The following ATXN1 variants were observed in gnomAD, a reference collection of about 807,000 sequenced individuals.
ATXN1 encodes ataxin 1.
ATXN1 carries 8 observed loss-of-function variants against 56.4 expected under a neutral mutation model. The observed-to-expected ratio is 0.14, with a 90% CI of 0.08 to 0.26. The LOEUF is 0.26. Among genes scored for constraint, ATXN1 ranks in the 10% least tolerant of loss-of-function variants. The probability of loss-of-function intolerance (pLI) is 1.00; values close to 1 mark genes in which losing one functional copy is unlikely to be tolerated. For synonymous variants in ATXN1, 514 were observed against 494.6 expected (o/e 1.04, Z -0.52); for missense variants, 987 against 1,106.5 (o/e 0.89, Z 1.53).
intron 2 of ATXN1, among the ~76,000 whole-genome samples, chr6:16,673,383 G>A (rs1019622684): frequency 3.9e-5 from 6 of 152,178 alleles, no homozygotes; most frequent in African/African-American, 1.4e-4. Context: ...GGCCCGGGTA[G>A]TTTATTTTCA....
chr6:16,758,221 C>T (rs1355017828), intron 1 of ATXN1, among the ~76,000 whole-genome samples: 1 of 152,208 alleles, frequency 6.6e-6, no homozygotes, highest in East Asian at 1.9e-4. Flanking sequence ...TGAGTAAACC[C>T]TTTAGAAATC....
At chr6:16,575,944 A>C (rs1762412765) in intron 4 of ATXN1, among the ~76,000 whole-genome samples, 1 of 152,172 alleles carries the variant, frequency 6.6e-6, no homozygotes, top group South Asian at 2.1e-4. Context: ...ACGCCATCAC[A>C]CAGTTAGCAG....
intron 4 of ATXN1, among the ~76,000 whole-genome samples, chr6:16,528,901 G>A (rs896140754): frequency 5.3e-5 from 8 of 152,078 alleles, no homozygotes; most frequent in African/African-American, 1.4e-4. Context: ...ACTTGCAGCC[G>A]GGCACAGTGG....
intron 2 of ATXN1, among the ~76,000 whole-genome samples, chr6:16,727,294 C>T (rs1406843549): frequency 6.6e-6 from 1 of 151,948 alleles, no homozygotes; most frequent in African/African-American, 2.4e-5. Flanking sequence ...ATTTTGGATC[C>T]ATATATACTA....
intron 5 of ATXN1, among the ~76,000 whole-genome samples, chr6:16,507,597 C>T (rs188210160): frequency 1.8e-3 from 281 of 152,174 alleles, no homozygotes; most frequent in Non-Finnish European, 3.2e-3. Flanking sequence ...AATTTTTCTC[C>T]AAAGAAAGCC....
At chr6:16,655,486 A>T (rs1758179285) in intron 3 of ATXN1, among the ~76,000 whole-genome samples, 1 of 147,674 alleles carries the variant, frequency 6.8e-6, no homozygotes, top group African/African-American at 2.5e-5. Flanking sequence ...CTAACAGAAC[A>T]ACACATAGCA....
chr6:16,653,746 T>A (rs1251424257), intron 3 of ATXN1, among the ~76,000 whole-genome samples: 1 of 152,168 alleles, frequency 6.6e-6, no homozygotes, highest in Non-Finnish European at 1.5e-5. Flanking sequence ...GAAAGTGGGT[T>A]TCTAAAGGTT....
chr6:16,466,170 C>T (rs1303135268), intron 6 of ATXN1, among the ~76,000 whole-genome samples: 2 of 151,904 alleles, frequency 1.3e-5, no homozygotes, highest in Non-Finnish European at 2.9e-5. Context: ...CAAAAATTAG[C>T]TGGGCGCAGT....
At chr6:16,727,232 C>A (rs1759870175) in intron 2 of ATXN1, among the ~76,000 whole-genome samples, 1 of 152,156 alleles carries the variant, frequency 6.6e-6, no homozygotes, top group East Asian at 1.9e-4. Context: ...TTTCAAGTAT[C>A]AGTAAAACCA....
intron 6 of ATXN1, among the ~76,000 whole-genome samples, chr6:16,484,045 A>G (rs1364588207): frequency 1.3e-5 from 2 of 152,196 alleles, no homozygotes; most frequent in South Asian, 2.1e-4. Flanking sequence ...AACTTTTACA[A>G]TAAGGTTTTT....
At chr6:16,453,478 AAG>A (rs780552428) in intron 6 of ATXN1, among the ~76,000 whole-genome samples, 42 of 152,152 alleles carry the variant, frequency 2.8e-4, no homozygotes, top group Non-Finnish European at 4.6e-4. Context: ...AAATAAAATA[AAG>A]AGGGGGTAAA....
At chr6:16,627,549 A>G (rs1763428265) in intron 3 of ATXN1, among the ~76,000 whole-genome samples, 1 of 152,134 alleles carries the variant, frequency 6.6e-6, no homozygotes, top group African/African-American at 2.4e-5. Context: ...CAACATGGTG[A>G]AATCCCATCT....
At chr6:16,457,171 A>G (rs1482531494) in intron 6 of ATXN1, among the ~76,000 whole-genome samples, 2 of 152,156 alleles carry the variant, frequency 1.3e-5, no homozygotes, top group Non-Finnish European at 2.9e-5. Flanking sequence ...GGGCCACTAA[A>G]TCTGACTTTT....
At chr6:16,488,712 T>C (rs1253583443) in intron 5 of ATXN1, among the ~76,000 whole-genome samples, 1 of 152,184 alleles carries the variant, frequency 6.6e-6, no homozygotes, top group Non-Finnish European at 1.5e-5. Flanking sequence ...AAAGCCTGTC[T>C]GAAACAAATA....
At chr6:16,681,120 A>G (rs1758804454) in intron 2 of ATXN1, among the ~76,000 whole-genome samples, 1 of 152,222 alleles carries the variant, frequency 6.6e-6, no homozygotes, top group African/African-American at 2.4e-5. Flanking sequence ...CTCCCCACCA[A>G]TGGGACAGTG....
intron 2 of ATXN1, among the ~76,000 whole-genome samples, chr6:16,748,539 TG>T (rs1307899081): frequency 2.0e-5 from 3 of 152,174 alleles, no homozygotes; most frequent in African/African-American, 7.2e-5. Context: ...GCCTGTGCAA[TG>T]GAGAAAATAA....
chr6:16,562,348 G>A (rs1037251960), intron 4 of ATXN1, among the ~76,000 whole-genome samples: 5 of 147,722 alleles, frequency 3.4e-5, no homozygotes, highest in African/African-American at 1.3e-4. Context: ...ACTCCAGCCT[G>A]GGCAACAGAG....
intron 5 of ATXN1, among the ~76,000 whole-genome samples, chr6:16,521,050 G>C (rs762794462): frequency 4.7e-4 from 72 of 152,160 alleles, no homozygotes; most frequent in Non-Finnish European, 8.4e-4. Context: ...GAGATGAAAT[G>C]TTTTGGAAAT....
intron 6 of ATXN1, among the ~76,000 whole-genome samples, chr6:16,339,249 T>C (rs888502490): frequency 2.6e-5 from 4 of 152,092 alleles, no homozygotes; most frequent in African/African-American, 9.7e-5. Context: ...TCCAGGACAT[T>C]AGACAGCCCC....
Sources: gnomAD v4.1 joint callset for allele counts (sites outside exome capture counted in the v4.1 genomes callset) on GRCh38, gnomAD v4.1.1 for gene constraint, MANE v1.5 for transcripts, NCBI Gene and HGNC (gene_info 2026-07-23, HGNC 2026-07-21) for gene names.